Variants in AFG3L2 observed in about 807,000 individuals in gnomAD.
AFG3L2 encodes mitochondrial inner membrane m-AAA protease component AFG3L2.
AFG3L2 carries 54 observed loss-of-function variants against 94.5 expected under a neutral mutation model. That is an observed-to-expected ratio of 0.57 (90% CI 0.46 to 0.72). The LOEUF is 0.72. AFG3L2 is among the 30% of genes least tolerant of loss of function. AFG3L2 has a pLI of 0.00. For missense variants in AFG3L2, 754 were observed against 994.9 expected (o/e 0.76, Z 3.26); for synonymous variants, 377 against 365.5 (o/e 1.03, Z -0.36).
chr18:12,351,115 T>G lies in AFG3L2; in HGVS notation c.1522A>C (p.Lys508Gln), dbSNP rs774012113. Residue 508 changes from lysine (K) to glutamine (Q), a missense_variant, in exon 12 of 17, where the codon AAA becomes CAA. Physicochemically the swap from Lys to Gln is moderately conservative, Grantham distance 53 (BLOSUM62 1). Coordinates refer to ENST00000269143, the MANE Select transcript of AFG3L2 (RefSeq NM_006796.3). ...STLEKDKLARKLASLTPGFSG... is the reference protein window; with the variant it reads ...STLEKDKLARQLASLTPGFSG... ...AACCCTGGAGTTAAAGATGCCAGTTTTCTTGCCAATTTATCCTTCTCCAGG... is the reference window on the plus strand; with the variant it reads ...AACCCTGGAGTTAAAGATGCCAGTTGTCTTGCCAATTTATCCTTCTCCAGG... 1 of 1,613,522 alleles carries G rather than the reference T, an allele frequency of 6.2e-7. No homozygotes were observed. The highest frequency in any genetic ancestry group is 1.1e-5 in the South Asian group (1 of 91,038).
chr18:12,361,884 T>C (rs1908672478), intron 6 of AFG3L2, among the ~76,000 whole-genome samples: 1 of 152,232 alleles, frequency 6.6e-6, no homozygotes, highest in South Asian at 2.1e-4. Context: ...CAGAATAGAT[T>C]AACCACAGAG....
intron 12 of AFG3L2, 91 bp downstream of exon 12, chr18:12,350,993 GA>G: frequency 6.5e-7 from 1 of 1,532,688 alleles, no homozygotes; most frequent in Non-Finnish European, 9.0e-7. Flanking sequence ...CCACAGTAAA[GA>G]AGTGAAAAGG....
chr18:12,356,764 G>C lies in AFG3L2; in HGVS notation c.1094C>G (p.Ala365Gly). The C allele has an allele frequency of 3.1e-6, 5 of 1,614,254 alleles. No individual in the cohort carries two copies. The highest frequency in any genetic ancestry group is 4.2e-6 in the Non-Finnish European group (5 of 1,180,046). ...TLLAKATAGEANVPFITVSGS... is the reference protein window; with the variant it reads ...TLLAKATAGEGNVPFITVSGS... ...ACTAACGGTGATGAAGGGGACATTGGCTTCTCCGGCTGTGGCCTTAGCTAG... is the reference window on the plus strand; with the variant it reads ...ACTAACGGTGATGAAGGGGACATTGCCTTCTCCGGCTGTGGCCTTAGCTAG... The change falls in exon 9 of 17, where the codon GCC becomes GGC. Residue 365 changes from alanine (A) to glycine (G), a missense_variant. Ala to Gly is a moderately conservative substitution (Grantham distance 60). Transcript: ENST00000269143.
At chr18:12,349,516 G>A (rs1400240856) in intron 12 of AFG3L2, among the ~76,000 whole-genome samples, 1 of 152,204 alleles carries the variant, frequency 6.6e-6, no homozygotes, top group Non-Finnish European at 1.5e-5. Flanking sequence ...CAACTGATGG[G>A]TGGATCAACA....
intron 1 of AFG3L2, among the ~76,000 whole-genome samples, chr18:12,374,285 A>G (rs567684609): frequency 6.6e-6 from 1 of 152,344 alleles, no homozygotes; most frequent in Admixed American, 6.5e-5. Flanking sequence ...AGAGCACCGC[A>G]TTTTGGAGAA....
At chr18:12,354,687 T>A (rs1908434797) in intron 9 of AFG3L2, among the ~76,000 whole-genome samples, 1 of 152,142 alleles carries the variant, frequency 6.6e-6, no homozygotes, top group Non-Finnish European at 1.5e-5. Flanking sequence ...CACCCCCTCC[T>A]ATCATCTGGA....
rs755204659 is a variant in AFG3L2, at chr18:12,351,174, T to C, written c.1463A>G (p.Lys488Arg). 6.2e-6 allele frequency: 10 copies of C among 1,614,106 alleles called. No homozygotes were observed. In the Admixed American group the frequency reaches 1.2e-4, roughly 19 times the overall value. The change falls in exon 12 of 17, where the codon AAA becomes AGA. Residue 488 changes from lysine to arginine, a missense_variant. By Grantham distance (26) the Lys-to-Arg change is conservative. Coordinates refer to ENST00000269143, the MANE Select transcript of AFG3L2 (RefSeq NM_006796.3). ...PDIKGRASIF[K>R]VHLRPLKLDS... ...CAGTTTTAGCGGTCGGAGATGAACTTTGAAAATAGAAGCTCTTCCTTTTAT... is the reference window on the plus strand; with the variant it reads ...CAGTTTTAGCGGTCGGAGATGAACTCTGAAAATAGAAGCTCTTCCTTTTAT...
intron 14 of AFG3L2, 52 bp downstream of exon 14, chr18:12,344,080 G>C: frequency 6.9e-7 from 1 of 1,456,274 alleles, no homozygotes; most frequent in South Asian, 1.1e-5. Context: ...TGACTGCAGC[G>C]AGCATCTGCT....
At chr18:12,333,108 ACTATTATATAATAGATTATATATAT>A in intron 16 of AFG3L2, among the ~76,000 whole-genome samples, 3 of 88,218 alleles carry the variant, frequency 3.4e-5, no homozygotes, top group African/African-American at 1.2e-4. Flanking sequence ...CTATTATATA[ACTATTATATAATAGATTATATATAT>A]AATATATATA....
intron 1 of AFG3L2, among the ~76,000 whole-genome samples, 176 bp downstream of exon 1, chr18:12,376,793 C>T (rs934691230): frequency 1.1e-4 from 16 of 152,244 alleles, no homozygotes; most frequent in African/African-American, 2.4e-5. Context: ...CAGGGCTGAG[C>T]GCGAATCGGC....
chr18:12,332,835 TACAC>T lies in AFG3L2; in HGVS notation c.2176-3056_2176-3053del, dbSNP rs71172073. On this transcript the variant is annotated intron_variant, in intron 16 of 16. Transcript: ENST00000269143. ...CCATTTTTAATTCTCAATTTGCTTATACACACACACACACACACACCATAGTTGT... is the reference window on the plus strand; with the variant it reads ...CCATTTTTAATTCTCAATTTGCTTATACACACACACACACACCATAGTTGT... 3.1e-3 allele frequency among the ~76,000 whole-genome samples: 415 copies of T among 135,274 alleles called. 1 individual carries two copies. Among genetic ancestry groups the T allele is most frequent in the African/African-American group, 9.8e-3 (363 of 36,964 alleles). 88.7% of individuals were successfully genotyped at this position (135,274 alleles called of 152,430 possible). A position where few individuals can be genotyped will look rare whatever the true frequency, so the allele number is the denominator to read the frequency against.
chr18:12,366,406 A>C (rs1908808928), intron 5 of AFG3L2, among the ~76,000 whole-genome samples: 1 of 152,236 alleles, frequency 6.6e-6, no homozygotes, highest in South Asian at 2.1e-4. Context: ...CAAGCCCAGC[A>C]GACAGTAACA....
chr18:12,376,932 C>T (rs1314366377), intron 1 of AFG3L2, 37 bp downstream of exon 1: 2 of 1,378,170 alleles, frequency 1.5e-6, no homozygotes, highest in Non-Finnish European at 9.4e-7. Flanking sequence ...GGGCCCGAGG[C>T]AGGGTGGAGG....
intron 5 of AFG3L2, among the ~76,000 whole-genome samples, 184 bp from the exon 6 acceptor site, chr18:12,364,040 G>A (rs1165491550): frequency 6.6e-6 from 1 of 152,082 alleles, no homozygotes; most frequent in Non-Finnish European, 1.5e-5. Flanking sequence ...CCCTCCCAAA[G>A]GGGGCTATGC....
At position 12,364,889 on chromosome 18, in the gene AFG3L2, C is replaced by T. The variant is rs577230357; in HGVS notation, c.553-1033G>A. 5.3e-5 allele frequency among the ~76,000 whole-genome samples: 8 copies of T among 151,978 alleles called. No homozygotes were observed. In the East Asian group the frequency reaches 1.2e-3, roughly 22 times the overall value. ...CTCCCTACATTCCCCAGGCTGGTCT[C>T]GAACTCCTAGATTCAAGTGATCCTC... On this transcript the variant is annotated intron_variant, in intron 5 of 16. Transcript: ENST00000269143.
intron 16 of AFG3L2, among the ~76,000 whole-genome samples, chr18:12,336,740 A>G (rs1173297533): frequency 6.6e-6 from 1 of 152,168 alleles, no homozygotes; most frequent in Admixed American, 6.5e-5. Flanking sequence ...TTTTAATTCT[A>G]ATTTTTTTCA....
chr18:12,332,771 T>C (rs968908269), intron 16 of AFG3L2, among the ~76,000 whole-genome samples: 4 of 149,212 alleles, frequency 2.7e-5, no homozygotes, highest in Admixed American at 6.8e-5. Context: ...ATTGTCTGCA[T>C]ATACGTAAGG....
rs769883388 is a variant in AFG3L2 at position 12,329,664 on chromosome 18, G to A, written c.2295C>T (p.Ser765=). Residue 765 remains serine, a synonymous_variant, in exon 17 of 17, where the codon AGC becomes AGT. Coordinates refer to ENST00000269143, the MANE Select transcript of AFG3L2 (RefSeq NM_006796.3). ...TYEEFVEGTG[S]LDEDTSLPEG... ...CTGGAAGTGAGGTGTCCTCATCCAA[G>A]CTGCCAGTGCCTTCCACAAATTCTT... The A allele has an allele frequency of 1.2e-6, 2 of 1,614,166 alleles. No homozygotes were observed. Among genetic ancestry groups the A allele is most frequent in the Non-Finnish European group, 8.5e-7 (1 of 1,180,036 alleles).
At chr18:12,355,331 C>T (rs12962107) in intron 9 of AFG3L2, among the ~76,000 whole-genome samples, 3,406 of 151,992 alleles carry the variant, frequency 0.022, 59 homozygotes, top group Non-Finnish European at 0.03. Flanking sequence ...GGCCAATAAG[C>T]ATATACAAGA....
Sources: allele counts gnomAD v4.1 joint callset (sites outside exome capture counted in the v4.1 genomes callset), GRCh38; gene constraint gnomAD v4.1.1; transcripts MANE v1.5; gene names NCBI Gene and HGNC (gene_info 2026-07-23, HGNC 2026-07-21).